AGPAT3: variants seen among roughly 807,000 people sequenced by gnomAD.
AGPAT3 encodes the protein 1-acylglycerol-3-phosphate O-acyltransferase 3.
Under a neutral mutation model 47.3 loss-of-function variants are expected in AGPAT3, and 5 were observed. That is an observed-to-expected ratio of 0.11 (90% confidence interval 0.06 to 0.22). The LOEUF is 0.22. Among genes scored for constraint, AGPAT3 ranks in the 10% least tolerant of loss-of-function variants. The pLI is 1.00. For synonymous variants in AGPAT3, 212 were observed against 208.3 expected (o/e 1.02, Z -0.15); for missense variants, 315 against 493.0 (o/e 0.64, Z 3.42).
At chr21:43,891,735 T>C (rs987889729) in intron 1 of AGPAT3, among the ~76,000 whole-genome samples, 1 of 152,224 alleles carries the variant, frequency 6.6e-6, no homozygotes, top group Non-Finnish European at 1.5e-5. Flanking sequence ...ATTCTAGTTC[T>C]CTTGCTATTT....
chr21:43,973,692 T>G (rs1264896879), intron 7 of AGPAT3, among the ~76,000 whole-genome samples: 3 of 152,244 alleles, frequency 2.0e-5, no homozygotes, highest in Non-Finnish European at 4.4e-5. Context: ...CTTCGCTGTT[T>G]GAGGAGCAGC....
At chr21:43,877,406 A>C (rs1360717764) in intron 1 of AGPAT3, among the ~76,000 whole-genome samples, 1 of 152,214 alleles carries the variant, frequency 6.6e-6, no homozygotes, top group African/African-American at 2.4e-5. Flanking sequence ...GTAGAAAATA[A>C]ATGTGAAGGA....
intron 3 of AGPAT3, chr21:43,965,613 G>T (rs78883463): frequency 0.056 from 7,493 of 132,720 alleles, 527 homozygotes; most frequent in African/African-American, 0.17. Flanking sequence ...GGTTTTTTTT[G>T]TTGTTGTTGT....
chr21:43,947,711 C>CA lies in AGPAT3; in HGVS notation c.-48-11922dup, dbSNP rs1432647709. 7.6e-5 allele frequency among the ~76,000 whole-genome samples: 11 copies of CA among 144,274 alleles called. No homozygotes were observed. In the Admixed American group the frequency reaches 7.8e-4, roughly 10 times the overall value. The allele number at this position is 144,274 out of a possible 152,430, so 94.6% of individuals were successfully genotyped here. ...TCTTTTCTTTTTTTTTTTTTTGAGA[C>CA]AGAGTTTCAAAAAAAACTGCCTCCC... On this transcript the variant is annotated intron_variant, in intron 2 of 9. Coordinates refer to ENST00000291572, the MANE Select transcript of AGPAT3 (RefSeq NM_020132.5).
In AGPAT3 at chr21:43,890,797, G is replaced by A. The variant is rs193210443; in HGVS notation, c.-111-13160G>A. ...CTGTTGCCCAGGCTGGAGTGCAGTG[G>A]CACAATCTCACCTCACTGCAACCTC... On this transcript the variant is annotated intron_variant, in intron 1 of 9. Coordinates refer to ENST00000291572, the MANE Select transcript of AGPAT3 (RefSeq NM_020132.5). 1.7e-3 allele frequency among the ~76,000 whole-genome samples: 251 copies of A among 151,676 alleles called. 1 individual carries two copies. The highest frequency in any genetic ancestry group is 6.8e-3 in the Middle Eastern group (2 of 294).
chr21:43,944,441 G>A (rs972287447), intron 2 of AGPAT3, among the ~76,000 whole-genome samples: 3 of 152,268 alleles, frequency 2.0e-5, no homozygotes, highest in African/African-American at 7.2e-5. Context: ...CTGTCCCTGG[G>A]TGCTGCCTGT....
intron 7 of AGPAT3, among the ~76,000 whole-genome samples, chr21:43,974,603 GGT>G (rs775727729): frequency 9.3e-5 from 14 of 150,872 alleles, no homozygotes; most frequent in Middle Eastern, 3.4e-3. Flanking sequence ...GTGTGTGTGT[GGT>G]GTGTGTGTAT....
intron 2 of AGPAT3, among the ~76,000 whole-genome samples, chr21:43,906,311 G>T (rs1028204506): frequency 1.3e-5 from 2 of 152,110 alleles, no homozygotes; most frequent in South Asian, 4.1e-4. Context: ...TAAGCAGACG[G>T]TGTGGCACTG....
At chr21:43,925,729 C>T (rs754547640) in intron 2 of AGPAT3, among the ~76,000 whole-genome samples, 3 of 152,374 alleles carry the variant, frequency 2.0e-5, no homozygotes, top group Admixed American at 6.5e-5. Flanking sequence ...CCTGTGTTGA[C>T]TTGGGCACCT....
intron 2 of AGPAT3, among the ~76,000 whole-genome samples, chr21:43,911,746 G>A (rs1293958323): frequency 2.6e-5 from 4 of 152,344 alleles, no homozygotes; most frequent in Middle Eastern, 3.4e-3. Context: ...ACATTTCTGC[G>A]TGTTTTATTG....
At chr21:43,910,773 G>GTC (rs1179034106) in intron 2 of AGPAT3, among the ~76,000 whole-genome samples, 1 of 152,182 alleles carries the variant, frequency 6.6e-6, no homozygotes, top group Non-Finnish European at 1.5e-5. Context: ...GTGAAGTCAG[G>GTC]TATTCTGCAA....
intron 2 of AGPAT3, among the ~76,000 whole-genome samples, chr21:43,907,752 G>A (rs2086537689): frequency 6.6e-6 from 1 of 152,178 alleles, no homozygotes; most frequent in Non-Finnish European, 1.5e-5. Flanking sequence ...TTCCATATAA[G>A]CTTCCTAAGA....
At chr21:43,873,525 G>A (rs995807781) in intron 1 of AGPAT3, among the ~76,000 whole-genome samples, 14 of 152,146 alleles carry the variant, frequency 9.2e-5, no homozygotes, top group African/African-American at 3.4e-4. Flanking sequence ...TTACAGGCGC[G>A]CACCACCACG....
intron 1 of AGPAT3, among the ~76,000 whole-genome samples, chr21:43,891,953 T>C (rs764172552): frequency 3.9e-5 from 6 of 152,208 alleles, no homozygotes; most frequent in Non-Finnish European, 8.8e-5. Flanking sequence ...GAGGAATCAC[T>C]ATCCATGGCA....
At chr21:43,868,983 G>T (rs909891229) in intron 1 of AGPAT3, among the ~76,000 whole-genome samples, 1 of 152,168 alleles carries the variant, frequency 6.6e-6, no homozygotes, top group African/African-American at 2.4e-5. Flanking sequence ...ATGCTCATAA[G>T]ATCCAATAGA....
intron 2 of AGPAT3, among the ~76,000 whole-genome samples, chr21:43,957,759 CGGGGGTCTCGGGTTTCCCCCTGCACAT>C (rs2088559044): frequency 1.3e-5 from 2 of 150,026 alleles, no homozygotes; most frequent in Non-Finnish European, 3.0e-5. Context: ...CCCCTCCACA[CGGGGGTCTCGGGTTTCCCCCTGCACAT>C]GGGGGTCTCG....
chr21:43,974,906 G>A (rs2089547674), intron 7 of AGPAT3, among the ~76,000 whole-genome samples: 1 of 152,214 alleles, frequency 6.6e-6, no homozygotes, highest in Admixed American at 6.5e-5. Flanking sequence ...GGGCCAATGT[G>A]AAGCTGCTTT....
At chr21:43,971,347 C>T (rs755376148) in intron 6 of AGPAT3, 41 bp from the exon 7 acceptor site, 38 of 1,583,684 alleles carry the variant, frequency 2.4e-5, no homozygotes, top group South Asian at 3.3e-5. Context: ...ACCATGCAGC[C>T]GCCTGGGCTG....
chr21:43,957,507 G>A (rs1601417447), intron 2 of AGPAT3, among the ~76,000 whole-genome samples: 1 of 136,668 alleles, frequency 7.3e-6, no homozygotes, highest in African/African-American at 2.8e-5. Flanking sequence ...CCCTCCACAC[G>A]GGGGGTCTCG....
Sources: gnomAD v4.1 joint callset for allele counts (sites outside exome capture counted in the v4.1 genomes callset) on GRCh38, gnomAD v4.1.1 for gene constraint, MANE v1.5 for transcripts, NCBI Gene and HGNC (gene_info 2026-07-23, HGNC 2026-07-21) for gene names.